PRKN: variants seen among roughly 807,000 people sequenced by gnomAD.
PRKN encodes E3 ubiquitin-protein ligase parkin.
In PRKN, 56 loss-of-function variants were observed where a neutral mutation model predicts 59.5. That is an observed-to-expected ratio of 0.94 (90% CI 0.76 to 1.18). The LOEUF (loss-of-function observed/expected upper bound fraction) is 1.18. Ranked by LOEUF, PRKN falls within the 50% of genes most tolerant of loss-of-function variation. PRKN has a pLI of 0.00. For missense variants in PRKN, 657 were observed against 596.4 expected (o/e 1.10, Z -1.06); for synonymous variants, 250 against 222.1 (o/e 1.13, Z -1.12).
chr6:161,679,684 C>CGCCT (rs531559048), intron 7 of PRKN, among the ~76,000 whole-genome samples: 853 of 84,828 alleles, frequency 0.01, 8 homozygotes, highest in Non-Finnish European at 0.016. Context: ...ACCCCCCCCC[C>CGCCT]TTTTTTTTTT....
Position 161,386,831 on chromosome 6 carries a change from C to T in PRKN, c.1130G>A (p.Cys377Tyr). The change falls in exon 10 of 12, where the codon TGC (cysteine) becomes TAC (tyrosine). Residue 377 changes from cysteine (C) to tyrosine (Y), a missense_variant. Cys to Tyr is a radical substitution (Grantham distance 194). Coordinates refer to ENST00000366898, the MANE Select transcript of PRKN (RefSeq NM_004562.3). The surrounding 1 kb of genome is among the most constrained non-coding windows in gnomAD (Gnocchi z 4.3). ...ECKEAYHEGE[C>Y]SAVFEASGTT... The stretch of plus-strand genomic sequence containing the variant: ...TCCTGAGGCTTCAAATACGGCACTG[C>T]ACTCCCCTTCATGGTACGCTTCTTT... 1.9e-6 allele frequency: 3 copies of T among 1,614,034 alleles called. No individual in the cohort carries two copies. The South Asian group carries it at 3.3e-5, about 18-fold the overall frequency.
At position 161,562,064 on chromosome 6, in the gene PRKN, A is replaced by G. The variant is rs1780475632; in HGVS notation, c.933+7291T>C. Among the ~76,000 whole-genome samples, 1 of 150,110 alleles carries G rather than the reference A, an allele frequency of 6.7e-6. No individual in the cohort carries two copies. Among genetic ancestry groups the G allele is most frequent in the Admixed American group, 6.6e-5 (1 of 15,152 alleles). ...GGCCCGCCTTCTCAGCTTCCCCAAC[A>G]CCATAAATCAGCATTCCTCCTCTGG... is the stretch of plus-strand genomic sequence containing the variant. On this transcript the variant is annotated intron_variant, in intron 8 of 11. Transcript: ENST00000366898. This position sits in a 1 kb window ranked among gnomAD's most constrained non-coding sequence, Gnocchi z 4.3.
intron 6 of PRKN, among the ~76,000 whole-genome samples, chr6:161,811,595 C>A (rs1791563339): frequency 6.6e-6 from 1 of 152,110 alleles, no homozygotes; most frequent in Admixed American, 6.5e-5. Context: ...AAGAAATTGA[C>A]CAAGGATCTA....
At chr6:162,616,974 C>T (rs1782447138) in intron 1 of PRKN, among the ~76,000 whole-genome samples, 1 of 152,010 alleles carries the variant, frequency 6.6e-6, no homozygotes, top group South Asian at 2.1e-4. Context: ...GTAACACTTG[C>T]ATTGTTAAGC....
chr6:161,880,602 A>G (rs1180750205), intron 6 of PRKN, among the ~76,000 whole-genome samples: 1 of 152,130 alleles, frequency 6.6e-6, no homozygotes, highest in Non-Finnish European at 1.5e-5. Context: ...CCGGCCCACG[A>G]GGTGGGGTGG....
At chr6:161,710,250 G>A (rs1397418968) in intron 7 of PRKN, among the ~76,000 whole-genome samples, 1 of 152,020 alleles carries the variant, frequency 6.6e-6, no homozygotes, top group Non-Finnish European at 1.5e-5. Flanking sequence ...CTATATAGAT[G>A]GTCCCTGACT....
chr6:161,961,526 A>G (rs1780376225), intron 6 of PRKN, among the ~76,000 whole-genome samples: 1 of 152,142 alleles, frequency 6.6e-6, no homozygotes, highest in South Asian at 2.1e-4. Flanking sequence ...AGCCTAAAGA[A>G]ATAAAGTTTG....
At chr6:162,600,394 T>C (rs571395321) in intron 1 of PRKN, among the ~76,000 whole-genome samples, 13 of 152,332 alleles carry the variant, frequency 8.5e-5, no homozygotes, top group African/African-American at 3.1e-4. Context: ...ATATGAGATG[T>C]TTCCAATTTG....
Position 161,891,953 on chromosome 6 carries a change from A to C in PRKN, c.734+81349T>G, listed in dbSNP as rs9458412. Among the ~76,000 whole-genome samples the C allele has an allele frequency of 4.0e-3, 578 of 145,688 alleles. 5 individuals carry two copies. The highest frequency in any genetic ancestry group is 0.015 in the African/African-American group (552 of 37,562). On this transcript the variant is annotated intron_variant, in intron 6 of 11. Coordinates refer to ENST00000366898, the MANE Select transcript of PRKN (RefSeq NM_004562.3). ...AGACATCTCACAAATATTCCTGTGA[A>C]GTTTTCTTGGAAGTGGATGGTTTAC...
Position 161,361,899 on chromosome 6 carries a change from T to A in PRKN, c.1168-1694A>T, listed in dbSNP as rs1784990072. ...CTTGGTAACTAGGTATGCATCTTCA[T>A]GGCACGCCTTCCAGTCACCACAGAG... On this transcript the variant is annotated intron_variant, in intron 10 of 11. Transcript: ENST00000366898. The surrounding 1 kb of genome is among the most constrained non-coding windows in gnomAD (Gnocchi z 5.2). Among the ~76,000 whole-genome samples the A allele has an allele frequency of 6.6e-6, 1 of 152,164 alleles. No individual in the cohort carries two copies. Among genetic ancestry groups the A allele is most frequent in the African/African-American group, 2.4e-5 (1 of 41,432 alleles).
intron 2 of PRKN, among the ~76,000 whole-genome samples, chr6:162,406,687 G>C (rs1465701585): frequency 6.6e-6 from 1 of 152,142 alleles, no homozygotes; most frequent in African/African-American, 2.4e-5. Flanking sequence ...TCCTTGAAGA[G>C]AAGAGATAGG....
At chr6:161,987,101 C>T (rs912068164) in intron 5 of PRKN, among the ~76,000 whole-genome samples, 2 of 152,192 alleles carry the variant, frequency 1.3e-5, no homozygotes, top group Non-Finnish European at 2.9e-5. Flanking sequence ...ACATTCCACT[C>T]AAGATAAACT....
chr6:161,851,293 C>G (rs993838230), intron 6 of PRKN, among the ~76,000 whole-genome samples: 2 of 151,946 alleles, frequency 1.3e-5, no homozygotes, highest in Admixed American at 6.6e-5. Flanking sequence ...AAGACCCTCA[C>G]CAGATGCAGG....
At chr6:162,173,758 A>G (rs1477182199) in intron 4 of PRKN, among the ~76,000 whole-genome samples, 1 of 152,156 alleles carries the variant, frequency 6.6e-6, no homozygotes, top group East Asian at 1.9e-4. Flanking sequence ...GGCTCTGCCT[A>G]GCTGTGTCTT....
chr6:161,402,647 C>G lies in PRKN; in HGVS notation c.1084-15770G>C, dbSNP rs535069216. On this transcript the variant is annotated intron_variant, in intron 9 of 11. Transcript: ENST00000366898. The surrounding 1 kb of genome is among the most constrained non-coding windows in gnomAD (Gnocchi z 4.5). The stretch of plus-strand genomic sequence containing the variant: ...TATTCAATTCTGTACACATGAGAGT[C>G]CCACAGAATATGAGACTCCAAGAAG... Among the ~76,000 whole-genome samples, 1 of 151,896 alleles carries G rather than the reference C, an allele frequency of 6.6e-6. No individual in the cohort carries two copies. The highest frequency in any genetic ancestry group is 1.5e-5 in the Non-Finnish European group (1 of 68,008).
chr6:162,559,985 G>A (rs1779768601), intron 1 of PRKN, among the ~76,000 whole-genome samples: 2 of 152,116 alleles, frequency 1.3e-5, no homozygotes, highest in African/African-American at 4.8e-5. Flanking sequence ...AAAATGAGTT[G>A]TCTAACAAAC....
At chr6:162,082,580 C>T (rs546939107) in intron 4 of PRKN, among the ~76,000 whole-genome samples, 1 of 152,084 alleles carries the variant, frequency 6.6e-6, no homozygotes, top group Non-Finnish European at 1.5e-5. Context: ...CCTTTGCATT[C>T]TCCACTTAGC....
chr6:161,822,984 T>G (rs184812849), intron 6 of PRKN, among the ~76,000 whole-genome samples: 1 of 152,320 alleles, frequency 6.6e-6, no homozygotes, highest in African/African-American at 2.4e-5. Flanking sequence ...TCACTCAGGC[T>G]GGAGTCCAGT....
At chr6:161,892,433 C>T (rs1795379469) in intron 6 of PRKN, among the ~76,000 whole-genome samples, 1 of 151,100 alleles carries the variant, frequency 6.6e-6, no homozygotes, top group African/African-American at 2.4e-5. Flanking sequence ...ATTAGTTGGG[C>T]ATGGTGGTGT....
Sources: allele counts gnomAD v4.1 joint callset (sites outside exome capture counted in the v4.1 genomes callset), GRCh38; gene constraint gnomAD v4.1.1; non-coding constraint Gnocchi (gnomAD v3.1); transcripts MANE v1.5; gene names NCBI Gene and HGNC (gene_info 2026-07-23, HGNC 2026-07-21).